TNRC6A: variants seen among roughly 807,000 people sequenced by gnomAD.
TNRC6A encodes trinucleotide repeat containing adaptor 6A.
A neutral mutation model predicts 221.2 loss-of-function variants in TNRC6A; 44 were observed. The ratio of observed to expected loss-of-function variants is 0.20; its 90% CI spans 0.16 to 0.26. The LOEUF is 0.26. Among genes scored for constraint, TNRC6A ranks in the 10% least tolerant of loss-of-function variants. The pLI is 1.00. For missense variants in TNRC6A, 2,199 were observed against 2,404.4 expected, an observed-to-expected ratio of 0.91 and a Z score of 1.79; for synonymous variants, 847 against 838.5, an observed-to-expected ratio of 1.01 and a Z score of -0.18.
At chr16:24,653,188 C>T (rs937575429) in intron 2 of TNRC6A, among the ~76,000 whole-genome samples, 2 of 152,116 alleles carry the variant, frequency 1.3e-5, no homozygotes, top group South Asian at 2.1e-4. Flanking sequence ...ACAAAGACAG[C>T]ATGATTCACA....
intron 2 of TNRC6A, among the ~76,000 whole-genome samples, chr16:24,695,272 C>T (rs111500881): frequency 0.014 from 2,166 of 152,200 alleles, 50 homozygotes; most frequent in African/African-American, 0.049. Flanking sequence ...TGATTGAAGG[C>T]TGTGCATAAA....
intron 20 of TNRC6A, among the ~76,000 whole-genome samples, chr16:24,817,311 T>C (rs2058676526): frequency 6.6e-6 from 1 of 152,200 alleles, no homozygotes; most frequent in South Asian, 2.1e-4. Context: ...AGCAGTTGTA[T>C]TAAAGGAATG....
chr16:24,611,361 A>G (rs1280060359), intron 1 of TNRC6A, among the ~76,000 whole-genome samples: 2 of 152,168 alleles, frequency 1.3e-5, no homozygotes, highest in Non-Finnish European at 2.9e-5. Context: ...GCGTGCACAT[A>G]TGTGTTAAAG....
intron 2 of TNRC6A, among the ~76,000 whole-genome samples, chr16:24,647,148 T>G (rs1340894168): frequency 6.6e-6 from 1 of 152,162 alleles, no homozygotes; most frequent in East Asian, 1.9e-4. Context: ...CCCAGGATGA[T>G]CTCACACTCC....
intron 2 of TNRC6A, among the ~76,000 whole-genome samples, chr16:24,701,716 T>C (rs2055981312): frequency 6.6e-6 from 1 of 152,150 alleles, no homozygotes; most frequent in Non-Finnish European, 1.5e-5. Context: ...GGCCCTGCTA[T>C]CCCTTCTGTC....
At chr16:24,680,344 C>T (rs1332377090) in intron 2 of TNRC6A, among the ~76,000 whole-genome samples, 1 of 151,604 alleles carries the variant, frequency 6.6e-6, no homozygotes, top group Non-Finnish European at 1.5e-5. Flanking sequence ...TTGCTTGACT[C>T]TGAGAGGTCC....
intron 2 of TNRC6A, among the ~76,000 whole-genome samples, chr16:24,703,378 C>G (rs1412972798): frequency 1.3e-5 from 2 of 152,118 alleles, no homozygotes; most frequent in African/African-American, 4.8e-5. Context: ...TGTCAGTACT[C>G]AACTCCTTTT....
chr16:24,631,611 A>C (rs926145835), intron 1 of TNRC6A, among the ~76,000 whole-genome samples: 3 of 152,002 alleles, frequency 2.0e-5, no homozygotes, highest in Non-Finnish European at 4.4e-5. Context: ...ATCTCCACTA[A>C]AAATGCAAAA....
chr16:24,667,442 A>G (rs777953300), intron 2 of TNRC6A, among the ~76,000 whole-genome samples: 39 of 152,210 alleles, frequency 2.6e-4, no homozygotes, highest in Non-Finnish European at 4.6e-4. Flanking sequence ...CTGCTGCACT[A>G]TTGTGGTCCA....
At chr16:24,758,188 A>C in intron 3 of TNRC6A, 151 bp from the exon 4 acceptor site, 1 of 711,456 alleles carries the variant, frequency 1.4e-6, no homozygotes. Flanking sequence ...TTCCTTGCAT[A>C]TCTTTTCCTG....
chr16:24,769,175 A>G (rs753424331), intron 4 of TNRC6A, among the ~76,000 whole-genome samples: 15 of 152,168 alleles, frequency 9.9e-5, no homozygotes, highest in Non-Finnish European at 1.6e-4. Context: ...CTATTTTTTA[A>G]AACAGTTTTA....
chr16:24,727,392 G>A (rs536607905), upstream of TNRC6A, among the ~76,000 whole-genome samples: 3 of 152,208 alleles, frequency 2.0e-5, no homozygotes, highest in East Asian at 3.9e-4. Context: ...CTCAACCTTG[G>A]TGCTATTGGC....
At chr16:24,639,331 T>A (rs79832641) in intron 1 of TNRC6A, among the ~76,000 whole-genome samples, 8,412 of 151,874 alleles carry the variant, frequency 0.055, 326 homozygotes, top group East Asian at 0.14. Context: ...ATAAAAAATT[T>A]AAAAAAAGAA....
intron 1 of TNRC6A, among the ~76,000 whole-genome samples, chr16:24,623,531 G>T (rs1257896415): frequency 1.3e-5 from 2 of 152,062 alleles, no homozygotes; most frequent in Admixed American, 1.3e-4. Flanking sequence ...TCAGATGTCG[G>T]CAGGGCCCAC....
intron 23 of TNRC6A, 41 bp downstream of exon 23, chr16:24,822,188 G>A (rs1174771730): frequency 6.3e-7 from 1 of 1,597,590 alleles, no homozygotes; most frequent in Non-Finnish European, 8.6e-7. Flanking sequence ...GCTACGCCAG[G>A]GAGCATGGGA....
At chr16:24,620,564 T>C (rs1288828120) in intron 1 of TNRC6A, among the ~76,000 whole-genome samples, 1 of 152,094 alleles carries the variant, frequency 6.6e-6, no homozygotes, top group Non-Finnish European at 1.5e-5. Context: ...TTCCAGCAAT[T>C]TGGGAGGCCG....
In TNRC6A at chr16:24,797,939, C is replaced by G; in HGVS notation, c.3667C>G (p.Gln1223Glu). The G allele has an allele frequency of 6.2e-7, 1 of 1,610,634 alleles. No homozygotes were observed. Among genetic ancestry groups the G allele is most frequent in the East Asian group, 2.2e-5 (1 of 44,820 alleles). The change falls in exon 11 of 25, where the codon CAA becomes GAA. Residue 1223 changes from glutamine (Q) to glutamate (E), a missense_variant. Around this residue, in one of 8 missense-constraint regions of TNRC6A, gnomAD observed 158 missense variants for 159.1 expected, o/e 0.99. Coordinates refer to ENST00000395799, the MANE Select transcript of TNRC6A (RefSeq NM_014494.4). ...FSRDSPEENV[Q>E]SNKMDLSGGM... ...GAGAGACTCACCAGAGGAAAATGTA[C>G]AAAGCAATAAGATGGACCTTTCTGG...
chr16:24,730,281 G>C lies in TNRC6A; in HGVS notation c.34G>C (p.Val12Leu). Reference protein sequence around the residue: ...RELEAKATKDVERNLSRDLVQ... With the variant: ...RELEAKATKDLERNLSRDLVQ... ...ATTGGAAGCTAAAGCTACCAAAGAC[G>C]TAGAAAGAAATCTTAGCAGGTAAGA... is the stretch of plus-strand genomic sequence containing the variant. Residue 12 changes from valine (V) to leucine (L), a missense_variant, in exon 2 of 25, where the codon GTA becomes CTA. Transcript: ENST00000395799. The C allele has an allele frequency of 6.2e-7, 1 of 1,602,928 alleles. No homozygotes were observed. The highest frequency in any genetic ancestry group is 8.5e-7 in the Non-Finnish European group (1 of 1,175,872).
rs564831405 is a variant in TNRC6A at position 24,780,058 on chromosome 16, T to C, written c.589+2700T>C. ...TTAATATGGGGGCCCACAAACCATG[T>C]AATGAAAGTGAAGGCTTTGGGGGGA... On this transcript the variant is annotated intron_variant, in intron 5 of 24. Transcript: ENST00000395799. 8.5e-5 allele frequency among the ~76,000 whole-genome samples: 13 copies of C among 152,300 alleles called. No individual in the cohort carries two copies. The East Asian group carries it at 1.5e-3, about 18-fold the overall frequency.
Sources: allele counts gnomAD v4.1 joint callset (sites outside exome capture counted in the v4.1 genomes callset), GRCh38; gene constraint gnomAD v4.1.1; regional missense constraint gnomAD v4.1.1; transcripts MANE v1.5; gene names NCBI Gene and HGNC (gene_info 2026-07-23, HGNC 2026-07-21).